The following ZBTB45 variants were observed in gnomAD, a reference collection of about 807,000 sequenced individuals.
ZBTB45 encodes the protein zinc finger and BTB domain-containing protein 45.
In ZBTB45, 22 loss-of-function variants were observed where a neutral mutation model predicts 28.4. The observed-to-expected ratio is 0.77, with a 90% confidence interval of 0.55 to 1.10. The LOEUF (loss-of-function observed/expected upper bound fraction) is 1.10. Among genes scored for constraint, ZBTB45 ranks in the 50% least tolerant of loss-of-function variants. The pLI is 0.00. For missense variants in ZBTB45, 656 were observed against 750.2 expected (o/e 0.87, Z 1.47); for synonymous variants, 361 against 332.3 (o/e 1.09, Z -0.94).
chr19:58,517,304 G>C lies in ZBTB45; in HGVS notation c.370C>G (p.Arg124Gly). The C allele has an allele frequency of 6.2e-7, 1 of 1,604,850 alleles. No individual in the cohort carries two copies. The highest frequency in any genetic ancestry group is 2.2e-5 in the East Asian group (1 of 44,782). ...GCAGAGGTGCCCGGGGCTCGAGCGCGGGCGATAATCTGCGTGCATTCGTCG... is the reference window on the plus strand; with the variant it reads ...GCAGAGGTGCCCGGGGCTCGAGCGCCGGCGATAATCTGCGTGCATTCGTCG... ...VIDECTQIIA[R>G]ARAPGTSAPT... is the part of the protein sequence containing the mutation. Residue 124 changes from arginine to glycine, a missense_variant, in exon 2 of 3, where the codon CGC becomes GGC. Arg to Gly is a moderately radical substitution (Grantham distance 125, BLOSUM62 -2). This residue lies in a region of ZBTB45 where 448 missense variants were observed against 444.3 expected (regional missense o/e 1.01). Coordinates refer to ENST00000594051, the MANE Select transcript of ZBTB45 (RefSeq NM_001316979.2).
intron 1 of ZBTB45, chr19:58,538,692 C>A (rs1422337394): frequency 1.3e-5 from 2 of 152,166 alleles, no homozygotes; most frequent in Non-Finnish European, 2.9e-5. Context: ...CCCGGCTAGC[C>A]ACCTTTACCT....
chr19:58,527,468 C>G (rs1362160700), intron 1 of ZBTB45, among the ~76,000 whole-genome samples: 4 of 152,180 alleles, frequency 2.6e-5, no homozygotes, highest in African/African-American at 9.6e-5. Context: ...GATGTGTCTG[C>G]TTGACATTTC....
At chr19:58,522,764 A>G (rs138378707), upstream of ZBTB45, among the ~76,000 whole-genome samples, 46 of 152,194 alleles carry the variant, frequency 3.0e-4, 1 homozygote, top group East Asian at 8.1e-3. Flanking sequence ...GGAAGAGCAT[A>G]AGGGTAGGTG....
intron 1 of ZBTB45, among the ~76,000 whole-genome samples, chr19:58,534,046 C>G (rs1600071503): frequency 6.6e-6 from 1 of 152,294 alleles, no homozygotes; most frequent in East Asian, 1.9e-4. Context: ...AGGGCGTCAG[C>G]TACAAGGGAC....
chr19:58,516,639 G>A lies in ZBTB45; in HGVS notation c.1035C>T (p.Pro345=). The part of the protein sequence containing the change: ...HLGAPGPPAP[P]PSAPSGPAPA... ...GGGCTGGCCCCGATGGTGCTGAAGGGGGTGGTGCGGGTGGCCCAGGGGCAC... is the reference window on the plus strand; with the variant it reads ...GGGCTGGCCCCGATGGTGCTGAAGGAGGTGGTGCGGGTGGCCCAGGGGCAC... Residue 345 remains proline (P), a synonymous_variant, in exon 2 of 3, where the codon CCC becomes CCT. Coordinates refer to ENST00000594051, the MANE Select transcript of ZBTB45 (RefSeq NM_001316979.2). This position sits in a 1 kb window ranked among gnomAD's most constrained non-coding sequence, Gnocchi z 6.2. 1 of 1,560,770 alleles carries A rather than the reference G, an allele frequency of 6.4e-7. No individual in the cohort carries two copies. Among genetic ancestry groups the A allele is most frequent in the Non-Finnish European group, 8.7e-7 (1 of 1,153,420 alleles).
chr19:58,530,142 T>G (rs946518694), intron 1 of ZBTB45, among the ~76,000 whole-genome samples: 1 of 151,882 alleles, frequency 6.6e-6, no homozygotes, highest in African/African-American at 2.4e-5. Flanking sequence ...AGGTCGAGGC[T>G]GCAGTGAGCC....
At chr19:58,536,734 G>C (rs1298268769) in intron 1 of ZBTB45, among the ~76,000 whole-genome samples, 1 of 152,166 alleles carries the variant, frequency 6.6e-6, no homozygotes. Flanking sequence ...CCTGAGGGTG[G>C]GAAGGAGAGC....
intron 1 of ZBTB45, among the ~76,000 whole-genome samples, chr19:58,538,243 C>G (rs1354381893): frequency 6.6e-6 from 1 of 151,816 alleles, no homozygotes; most frequent in African/African-American, 2.4e-5. Flanking sequence ...AAGACAGGGC[C>G]TCGCTCTGCA....
At chr19:58,527,763 C>T (rs534165003) in intron 1 of ZBTB45, among the ~76,000 whole-genome samples, 1 of 152,022 alleles carries the variant, frequency 6.6e-6, no homozygotes, top group African/African-American at 2.4e-5. Context: ...CACACCCTGA[C>T]TTTGTCCCCT....
upstream of ZBTB45, among the ~76,000 whole-genome samples, chr19:58,524,370 T>C (rs1039635486): frequency 6.9e-6 from 1 of 145,904 alleles, no homozygotes; most frequent in Non-Finnish European, 1.5e-5. Context: ...CGTCTCAAAA[T>C]AATAATAATA....
At chr19:58,534,284 A>G (rs1252747054) in intron 1 of ZBTB45, among the ~76,000 whole-genome samples, 1 of 152,232 alleles carries the variant, frequency 6.6e-6, no homozygotes, top group African/African-American at 2.4e-5. Context: ...TGACTTGGAA[A>G]TAGATAGAGG....
Position 58,516,178 on chromosome 19 carries a change from G to GGATCC in ZBTB45, c.1279+212_1279+216dup, listed in dbSNP as rs779254062. Among the ~76,000 whole-genome samples the GGATCC allele has an allele frequency of 6.6e-6, 1 of 152,138 alleles. No homozygotes were observed. The highest frequency in any genetic ancestry group is 1.5e-5 in the Non-Finnish European group (1 of 68,020). On this transcript the variant is annotated intron_variant, in intron 2 of 2. Transcript: ENST00000594051. This position sits in a 1 kb window ranked among gnomAD's most constrained non-coding sequence, Gnocchi z 6.2. ...GCTCCTGCTTCCCTACCCAGCCTCAGGATCCCCCTCCACAGAAGCCAGTGC... is the reference window on the plus strand; with the variant it reads ...GCTCCTGCTTCCCTACCCAGCCTCAGGATCCGATCCCCCTCCACAGAAGCCAGTGC...
At chr19:58,514,961 A>C (rs2053472045) in intron 2 of ZBTB45, among the ~76,000 whole-genome samples, 1 of 152,092 alleles carries the variant, frequency 6.6e-6, no homozygotes, top group Admixed American at 6.5e-5. Flanking sequence ...TGATAGAGAG[A>C]GCTCCTCATT....
upstream of ZBTB45, among the ~76,000 whole-genome samples, chr19:58,521,169 C>T (rs2053575104): frequency 6.7e-6 from 1 of 148,826 alleles, no homozygotes; most frequent in African/African-American, 2.5e-5. Context: ...TCGAGACCAT[C>T]CTGGCTAACA....
chr19:58,514,185 T>G lies in ZBTB45; in HGVS notation c.1405A>C (p.Thr469Pro). Residue 469 changes from threonine to proline, a missense_variant, in exon 3 of 3, where the codon ACG (threonine) becomes CCG (proline). By Grantham distance (38) the Thr-to-Pro change is conservative (BLOSUM62 -1). Coordinates refer to ENST00000594051, the MANE Select transcript of ZBTB45 (RefSeq NM_001316979.2). Reference sequence around the variant, plus strand: ...TGCACGTTGAGCGAGCTCTTCTGCGTGAAGCGCTTGGCGCAGACGGCGCAC... The same window carrying G: ...TGCACGTTGAGCGAGCTCTTCTGCGGGAAGCGCTTGGCGCAGACGGCGCAC... ...FQCAVCAKRF[T>P]QKSSLNVHMR... The G allele has an allele frequency of 6.2e-7, 1 of 1,612,456 alleles. No individual in the cohort carries two copies. The highest frequency in any genetic ancestry group is 2.2e-5 in the East Asian group (1 of 44,864).
upstream of ZBTB45, among the ~76,000 whole-genome samples, chr19:58,520,579 G>T (rs1383065594): frequency 1.3e-5 from 2 of 152,180 alleles, no homozygotes; most frequent in Non-Finnish European, 2.9e-5. Context: ...TATGATTCTG[G>T]ATTATTTTGG....
At chr19:58,524,060 T>C (rs2053592642), upstream of ZBTB45, among the ~76,000 whole-genome samples, 1 of 45,376 alleles carries the variant, frequency 2.2e-5, no homozygotes. Context: ...GGAGACTCTG[T>C]CTCAAAAAAA....
At chr19:58,527,107 C>A (rs1373542925) in intron 1 of ZBTB45, among the ~76,000 whole-genome samples, 2 of 152,204 alleles carry the variant, frequency 1.3e-5, no homozygotes, top group East Asian at 3.8e-4. Context: ...AGCTGCATCC[C>A]AGAAGATAAT....
intron 1 of ZBTB45, among the ~76,000 whole-genome samples, chr19:58,525,984 T>C (rs2053604884): frequency 6.6e-6 from 1 of 152,122 alleles, no homozygotes; most frequent in Non-Finnish European, 1.5e-5. Flanking sequence ...TCCCAGCACT[T>C]TGGGAGGCCG....
Sources: gnomAD v4.1 joint callset for allele counts (sites outside exome capture counted in the v4.1 genomes callset) on GRCh38, gnomAD v4.1.1 for gene constraint, gnomAD v4.1.1 regional missense constraint, Gnocchi (gnomAD v3.1) non-coding constraint, MANE v1.5 for transcripts, NCBI Gene and HGNC (gene_info 2026-07-23, HGNC 2026-07-21) for gene names.